Variants in PRICKLE4 observed in about 807,000 individuals in gnomAD.
The protein encoded by PRICKLE4 is prickle planar cell polarity protein 4.
Under a neutral mutation model 43.5 loss-of-function variants are expected in PRICKLE4, and 40 were observed. That is an observed-to-expected ratio of 0.92 (90% CI 0.71 to 1.20). PRICKLE4 has a LOEUF of 1.20. Among genes scored for constraint, PRICKLE4 ranks in the 50% most tolerant of loss-of-function variants. PRICKLE4 has a pLI of 0.00. For synonymous variants in PRICKLE4, 208 were observed against 197.4 expected (o/e 1.05, Z -0.45); for missense variants, 527 against 491.2 (o/e 1.07, Z -0.69).
At chr6:41,782,383 CTTCTTTTTTTT>C (rs1343456707) in intron 2 of PRICKLE4, among the ~76,000 whole-genome samples, 2 of 70,426 alleles carry the variant, frequency 2.8e-5, no homozygotes, top group East Asian at 5.1e-4. Flanking sequence ...ATGGTCACTT[CTTCTTTTTTTT>C]TTTTTTTTTT....
rs770665949 is a variant in PRICKLE4, at chr6:41,786,271, G to T, written c.726G>T (p.Glu242Asp). Reference sequence around the variant, plus strand: ...GCCCCTGCTGCCCCAGCTGCTTCGAGAACCGCTACTCGGATGCAGGCTCGA... The same window carrying T: ...GCCCCTGCTGCCCCAGCTGCTTCGATAACCGCTACTCGGATGCAGGCTCGA... ...GGSPCCPSCFENRYSDAGSSW... is the reference protein window; with the variant it reads ...GGSPCCPSCFDNRYSDAGSSW... Residue 242 changes from glutamate (E) to aspartate (D), a missense_variant, in exon 7 of 8, where the codon GAG becomes GAT. Transcript: ENST00000458694. 16 of 1,598,626 alleles carry T rather than the reference G, an allele frequency of 1.0e-5. No homozygotes were observed. Among genetic ancestry groups the T allele is most frequent in the Admixed American group, 6.7e-5 (4 of 59,268 alleles).
rs199995549 is a variant in PRICKLE4, at chr6:41,784,238, T to A, written c.240T>A (p.Asp80Glu). Residue 80 changes from aspartate to glutamate, a missense_variant and splice_region_variant, in exon 4 of 8, where the codon GAT (aspartate) becomes GAA (glutamate). Asp to Glu is a conservative substitution (Grantham distance 45). Transcript: ENST00000458694. ...AGCAACTCCCTCCGCAGGACATTGATGTGGGTCTCCTCTCCCCATCTTCCC... is the reference window on the plus strand; with the variant it reads ...AGCAACTCCCTCCGCAGGACATTGAAGTGGGTCTCCTCTCCCCATCTTCCC... The part of the protein sequence containing the change: ...LLQQLPPQDI[D>E]ERYCLALGEE... The A allele has an allele frequency of 3.3e-5, 53 of 1,602,374 alleles. No homozygotes were observed. Among genetic ancestry groups the A allele is most frequent in the Non-Finnish European group, 4.3e-5 (51 of 1,172,710 alleles).
In PRICKLE4 at chr6:41,787,041, G is replaced by C; in HGVS notation, c.1067G>C (p.Gly356Ala). Residue 356 changes from glycine (G) to alanine (A), a missense_variant, in exon 8 of 8, where the codon GGC becomes GCC. Physicochemically the swap from Gly to Ala is moderately conservative, Grantham distance 60. Transcript: ENST00000458694. ...SDSEPEGFFL[G>A]ERLPQSWKTP... The stretch of plus-strand genomic sequence containing the variant: ...TCGGAACCTGAAGGATTTTTCTTAG[G>C]CGAGCGCCTTCCCCAGTCCTGGAAG... The C allele has an allele frequency of 6.2e-7, 1 of 1,613,842 alleles. No individual in the cohort carries two copies. The highest frequency in any genetic ancestry group is 8.5e-7 in the Non-Finnish European group (1 of 1,179,994).
intron 6 of PRICKLE4, among the ~76,000 whole-genome samples, chr6:41,785,920 C>A (rs1772635856): frequency 6.6e-6 from 1 of 152,202 alleles, no homozygotes; most frequent in Non-Finnish European, 1.5e-5. Context: ...GTCCAGACCC[C>A]CAGGTCGCAC....
At chr6:41,786,496 G>A in intron 7 of PRICKLE4, 164 bp downstream of exon 7, 2 of 1,049,560 alleles carry the variant, frequency 1.9e-6, no homozygotes, top group Non-Finnish European at 2.8e-6. Context: ...CTCTCACCGC[G>A]CATCCCTGGC....
rs1404287805 is a variant in PRICKLE4, at chr6:41,786,159, A to T, written c.614A>T (p.Glu205Val). The change falls in exon 7 of 8, where the codon GAG becomes GTG. Residue 205 changes from glutamate to valine, a missense_variant. Transcript: ENST00000458694. ...TTCTCCTGGCGCTGCACCGAGGCGG[A>T]GGGACAGCGCTGGCATGAGAACCAC... is the stretch of plus-strand genomic sequence containing the variant. The part of the protein sequence containing the change: ...LIFSWRCTEA[E>V]GQRWHENHFC... The T allele has an allele frequency of 6.2e-7, 1 of 1,613,760 alleles. No homozygotes were observed. Among genetic ancestry groups the T allele is most frequent in the Admixed American group, 1.7e-5 (1 of 59,998 alleles).
intron 5 of PRICKLE4, 59 bp from the exon 6 acceptor site, chr6:41,785,278 G>C: frequency 1.3e-6 from 2 of 1,571,926 alleles, no homozygotes; most frequent in South Asian, 2.2e-5. Flanking sequence ...GCAAGAGCAA[G>C]GAGGGAAGTT....
rs779158600 is a variant in PRICKLE4, at chr6:41,783,556, G to T, written c.83G>T (p.Ser28Ile). 1 of 1,613,758 alleles carries T rather than the reference G, an allele frequency of 6.2e-7. No homozygotes were observed. Among genetic ancestry groups the T allele is most frequent in the Non-Finnish European group, 8.5e-7 (1 of 1,179,860 alleles). The change falls in exon 3 of 8, where the codon AGT becomes ATT. Residue 28 changes from serine to isoleucine, a missense_variant. Transcript: ENST00000458694. Reference protein sequence around the residue: ...QDPGPPANSDSDSGHLPGEDP... With the variant: ...QDPGPPANSDIDSGHLPGEDP... ...CCAGGTCCACCAGCCAACTCAGACA[G>T]TGACTCAGGCCACCTGCCGGGGGAG...
chr6:41,784,592 A>C (rs1182347080), intron 4 of PRICKLE4, among the ~76,000 whole-genome samples: 1 of 152,210 alleles, frequency 6.6e-6, no homozygotes, highest in Non-Finnish European at 1.5e-5. Flanking sequence ...TCAATTGGGG[A>C]GGCAAGACAG....
chr6:41,782,482 C>T (rs1772569825), intron 2 of PRICKLE4, among the ~76,000 whole-genome samples: 2 of 148,524 alleles, frequency 1.3e-5, no homozygotes, highest in Admixed American at 6.8e-5. Context: ...CTCCACCTCC[C>T]GGGTTCACAC....
At chr6:41,781,881 T>G (rs1180681090) in intron 2 of PRICKLE4, among the ~76,000 whole-genome samples, 1 of 152,196 alleles carries the variant, frequency 6.6e-6, no homozygotes, top group Non-Finnish European at 1.5e-5. Context: ...TTATGTAATA[T>G]TCTAGAAGAG....
rs781607175 is a variant in PRICKLE4, at chr6:41,786,715, C to G, written c.788-47C>G. The G allele has an allele frequency of 6.8e-5, 109 of 1,610,990 alleles. No individual in the cohort carries two copies. The East Asian group carries it at 2.4e-3, about 35-fold the overall frequency. ...ACCCCCACTAGCTGCGGTGTAGGTC[C>G]AGCTCCGCGGCTCTGAGACCAGCGT... On this transcript the variant is annotated intron_variant, in intron 7 of 7. Transcript: ENST00000458694.
chr6:41,784,141 T>C lies in PRICKLE4; in HGVS notation c.143T>C (p.Val48Ala). The change falls in exon 4 of 8, where the codon GTT becomes GCT. Residue 48 changes from valine (V) to alanine (A), a missense_variant. Transcript: ENST00000458694. ...PEDTHAQGPAVLSLGSLCLDT... is the reference protein window; with the variant it reads ...PEDTHAQGPAALSLGSLCLDT... ...TCCATGTCTCCTCAGGGTCCTGCAG[T>C]TCTGAGCTTGGGTTCCCTTTGCCTG... is the stretch of plus-strand genomic sequence containing the variant. The C allele has an allele frequency of 6.2e-7, 1 of 1,613,746 alleles. No homozygotes were observed. The highest frequency in any genetic ancestry group is 8.5e-7 in the Non-Finnish European group (1 of 1,179,724).
intron 2 of PRICKLE4, 127 bp from the exon 3 acceptor site, chr6:41,783,335 G>C: frequency 1.0e-6 from 1 of 1,000,968 alleles, no homozygotes; most frequent in Admixed American, 3.5e-5. Context: ...GTAAGATGGG[G>C]ATAATGCTAC....
Position 41,786,747 on chromosome 6 carries a change from C to G in PRICKLE4, c.788-15C>G. On this transcript the variant is annotated splice_polypyrimidine_tract_variant and intron_variant, in intron 7 of 7. Transcript: ENST00000458694. ...GCGGCTCTGAGACCAGCGTTTCCGACCCGGCCCGGAACAGGGGAGACTGGA... is the reference window on the plus strand; with the variant it reads ...GCGGCTCTGAGACCAGCGTTTCCGAGCCGGCCCGGAACAGGGGAGACTGGA... 1.9e-6 allele frequency: 3 copies of G among 1,612,940 alleles called. No homozygotes were observed. The highest frequency in any genetic ancestry group is 2.5e-6 in the Non-Finnish European group (3 of 1,179,944).
Position 41,786,969 on chromosome 6 carries a change from G to C in PRICKLE4, c.995G>C (p.Arg332Pro), listed in dbSNP as rs756563461. ...GAGCAATGCCGCCTGGAGACTATTC[G>C]TGATCCCAAGGACACCCCTTTCTCC... Reference protein sequence around the residue: ...GQEQCRLETIRDPKDTPFSTC... With the variant: ...GQEQCRLETIPDPKDTPFSTC... Residue 332 changes from arginine to proline, a missense_variant, in exon 8 of 8, where the codon CGT (arginine) becomes CCT (proline). By Grantham distance (103) the Arg-to-Pro change is moderately radical. Coordinates refer to ENST00000458694, the MANE Select transcript of PRICKLE4 (RefSeq NM_013397.6). The C allele has an allele frequency of 6.2e-6, 10 of 1,613,940 alleles. No homozygotes were observed. Among genetic ancestry groups the C allele is most frequent in the Non-Finnish European group, 8.5e-6 (10 of 1,180,006 alleles).
chr6:41,786,863 C>A lies in PRICKLE4; in HGVS notation c.889C>A (p.Gln297Lys), dbSNP rs1441325187. The A allele has an allele frequency of 6.2e-7, 1 of 1,604,140 alleles. No individual in the cohort carries two copies. Residue 297 changes from glutamine (Q) to lysine (K), a missense_variant, in exon 8 of 8, where the codon CAA becomes AAA. Transcript: ENST00000458694. ...CGCTGCTGCCGGCGGTTCCAGCCTG[C>A]AAACTCAGAGGGGGCTGCCTGGATC... ...LLAAAGGSSL[Q>K]TQRGLPGSSP...
Position 41,786,768 on chromosome 6 carries a change from C to A in PRICKLE4, c.794C>A (p.Thr265Asn), listed in dbSNP as rs1383261171. 1.9e-6 allele frequency: 3 copies of A among 1,612,952 alleles called. No homozygotes were observed. Among genetic ancestry groups the A allele is most frequent in the Non-Finnish European group, 2.5e-6 (3 of 1,179,722 alleles). Reference protein sequence around the residue: ...ALEGQAFLGETGLDRTEGRDQ... With the variant: ...ALEGQAFLGENGLDRTEGRDQ... ...CCGACCCGGCCCGGAACAGGGGAGA[C>A]TGGACTCGACCGAACTGAAGGAAGG... is the stretch of plus-strand genomic sequence containing the variant. The change falls in exon 8 of 8, where the codon ACT (threonine) becomes AAT (asparagine). Residue 265 changes from threonine to asparagine, a missense_variant. By Grantham distance (65) the Thr-to-Asn change is moderately conservative. Coordinates refer to ENST00000458694, the MANE Select transcript of PRICKLE4 (RefSeq NM_013397.6).
At position 41,786,832 on chromosome 6, in the gene PRICKLE4, A is replaced by G; in HGVS notation, c.858A>G (p.Thr286=). The G allele has an allele frequency of 2.1e-6, 3 of 1,405,190 alleles. No individual in the cohort carries two copies. The highest frequency in any genetic ancestry group is 2.9e-6 in the Non-Finnish European group (3 of 1,044,440). 87.0% of individuals were successfully genotyped at this position (1,405,190 alleles called of 1,614,324 possible). Reference sequence around the variant, plus strand: ...TGAACTCTGCAACCCTCTCCCGAACACTCCTCGCTGCTGCCGGCGGTTCCA... The same window carrying G: ...TGAACTCTGCAACCCTCTCCCGAACGCTCCTCGCTGCTGCCGGCGGTTCCA... ...TSVNSATLSR[T]LLAAAGGSSL... is the part of the protein sequence containing the mutation. Residue 286 remains threonine (T), a synonymous_variant, in exon 8 of 8, where the codon ACA becomes ACG. Coordinates refer to ENST00000458694, the MANE Select transcript of PRICKLE4 (RefSeq NM_013397.6).
Sources: allele counts gnomAD v4.1 joint callset (sites outside exome capture counted in the v4.1 genomes callset), GRCh38; gene constraint gnomAD v4.1.1; transcripts MANE v1.5; gene names NCBI Gene and HGNC (gene_info 2026-07-23, HGNC 2026-07-21).